The following ANO7 variants were observed in gnomAD, a reference collection of about 807,000 sequenced individuals.
ANO7 encodes the protein anoctamin-7.
A neutral mutation model predicts 115.8 loss-of-function variants in ANO7; 114 were observed. That is an observed-to-expected ratio of 0.98 (90% CI 0.85 to 1.15). The LOEUF (loss-of-function observed/expected upper bound fraction) is 1.15. ANO7 is among the 50% of genes most tolerant of loss of function. The pLI is 0.00. For missense variants in ANO7, 1,302 were observed against 1,201.2 expected (o/e 1.08, Z -1.24); for synonymous variants, 550 against 498.2 (o/e 1.10, Z -1.38).
In ANO7 at chr2:241,188,769, G is replaced by T. The variant is rs764905746; in HGVS notation, c.-8+3G>T. The T allele has an allele frequency of 1.2e-6, 2 of 1,612,810 alleles. No individual in the cohort carries two copies. Among genetic ancestry groups the T allele is most frequent in the East Asian group, 2.2e-5 (1 of 44,848 alleles). On this transcript the variant is annotated splice_donor_region_variant and intron_variant, in intron 1 of 24. Coordinates refer to ENST00000674324, the MANE Select transcript of ANO7 (RefSeq NM_001370694.2). This position sits in a 1 kb window ranked among gnomAD's most constrained non-coding sequence, Gnocchi z 4.3. ...TCTTCCGGAAGCCACTGTGCCAGGT[G>T]GGGACCCAGCCTAGACGTGTGGGCC...
chr2:241,230,002 C>T, downstream of ANO7: 3 of 1,557,726 alleles, frequency 1.9e-6, no homozygotes, highest in East Asian at 2.3e-5. This position sits in a 1 kb window ranked among gnomAD's most constrained non-coding sequence, Gnocchi z 5.0. Context: ...GTCTGCCCAG[C>T]ACCCCCAGCA....
In ANO7 at chr2:241,212,078, G is replaced by T. The variant is rs568818626; in HGVS notation, c.1562-16G>T. ...TGACTCCCCCAGGGACTGAGCCCAG[G>T]CTCTCCATGCCACAGAAATGCACCG... On this transcript the variant is annotated splice_polypyrimidine_tract_variant and intron_variant, in intron 15 of 24. Coordinates refer to ENST00000674324, the MANE Select transcript of ANO7 (RefSeq NM_001370694.2). 1 of 1,611,940 alleles carries T rather than the reference G, an allele frequency of 6.2e-7. No individual in the cohort carries two copies. The highest frequency in any genetic ancestry group is 2.2e-5 in the East Asian group (1 of 44,874).
chr2:241,234,058 G>T, the ANO7 span: 1 of 1,387,014 alleles, frequency 7.2e-7, no homozygotes, highest in Non-Finnish European at 1.0e-6. Flanking sequence ...CACTGGAGAT[G>T]CTGCAGTGTT....
chr2:241,233,762 T>A, the ANO7 span: 2 of 1,605,224 alleles, frequency 1.2e-6, no homozygotes, highest in African/African-American at 2.7e-5. The surrounding 1 kb of genome is among the most constrained non-coding windows in gnomAD (Gnocchi z 4.3). Flanking sequence ...TGCTCCCAAG[T>A]CACAGGAAAG....
intron 21 of ANO7, 22 bp from the exon 22 acceptor site, chr2:241,223,164 C>G (rs1456945082): frequency 6.2e-7 from 1 of 1,611,204 alleles, no homozygotes; most frequent in South Asian, 1.1e-5. Flanking sequence ...GCTGCGCGCA[C>G]TGAGTCCTGT....
At position 241,224,272 on chromosome 2, in the gene ANO7, T is replaced by G. The variant is rs545600028; in HGVS notation, c.*119T>G. ...GTGAACCGCTGGCTGCTGTTGTGCCTCATCTCTGGGCACATTGCCTGCTTC... is the reference window on the plus strand; with the variant it reads ...GTGAACCGCTGGCTGCTGTTGTGCCGCATCTCTGGGCACATTGCCTGCTTC... On this transcript the variant is annotated 3_prime_UTR_variant, in exon 25 of 25. Coordinates refer to ENST00000674324, the MANE Select transcript of ANO7 (RefSeq NM_001370694.2). The G allele has an allele frequency of 1.3e-4, 153 of 1,150,194 alleles. No individual in the cohort carries two copies. The highest frequency in any genetic ancestry group is 1.9e-4 in the Admixed American group (9 of 47,188). 71.2% of individuals were successfully genotyped at this position (1,150,194 alleles called of 1,614,324 possible).
the ANO7 span, chr2:241,235,372 G>T: frequency 6.6e-7 from 1 of 1,513,198 alleles, no homozygotes; most frequent in Non-Finnish European, 9.2e-7. Context: ...AGGGAAGTCA[G>T]TGCCCAGTCC....
the ANO7 span, among the ~76,000 whole-genome samples, chr2:241,237,186 G>A: frequency 0.026 from 3,905 of 152,286 alleles, 407 homozygotes; most frequent in Admixed American, 0.18. Flanking sequence ...CAGGGAAGGC[G>A]GCCAGCACGC....
rs758652317 is a variant in ANO7, at chr2:241,210,385, G to A, written c.1450G>A (p.Ala484Thr). Residue 484 changes from alanine (A) to threonine (T), a missense_variant, in exon 14 of 25, where the codon GCA becomes ACA. By Grantham distance (58) the Ala-to-Thr change is moderately conservative. Coordinates refer to ENST00000674324, the MANE Select transcript of ANO7 (RefSeq NM_001370694.2). ...VVSRSGNTLL[A>T]AWASRIASLT... is the part of the protein sequence containing the mutation. Reference sequence around the variant, plus strand: ...GTCCAGGTCGGGCAACACCCTTCTCGCAGCCTGGGTGAGCCTCTGCTGCCT... The same window carrying A: ...GTCCAGGTCGGGCAACACCCTTCTCACAGCCTGGGTGAGCCTCTGCTGCCT... 2.4e-5 allele frequency: 38 copies of A among 1,613,860 alleles called. No homozygotes were observed. Among genetic ancestry groups the A allele is most frequent in the Non-Finnish European group, 3.0e-5 (35 of 1,180,000 alleles).
the ANO7 span, chr2:241,236,589 G>C: frequency 6.2e-7 from 1 of 1,611,974 alleles, no homozygotes; most frequent in South Asian, 1.1e-5. Context: ...TTGGCGGGGG[G>C]TGGAGGGGGG....
At chr2:241,212,762 G>C in intron 17 of ANO7, 136 bp downstream of exon 17, 1 of 966,210 alleles carries the variant, frequency 1.0e-6, no homozygotes, top group Non-Finnish European at 1.5e-6. Flanking sequence ...GGCCAGCTGT[G>C]CAGCTGACCA....
chr2:241,192,061 GCA>G (rs1300200090), intron 3 of ANO7, among the ~76,000 whole-genome samples: 1 of 152,236 alleles, frequency 6.6e-6, no homozygotes, highest in Non-Finnish European at 1.5e-5. Context: ...CCTGGGCCAG[GCA>G]CAGTGGCTCA....
intron 21 of ANO7, among the ~76,000 whole-genome samples, chr2:241,219,338 T>C (rs553692726): frequency 2.0e-5 from 3 of 152,362 alleles, no homozygotes; most frequent in South Asian, 4.1e-4. Flanking sequence ...GCTCTATGTA[T>C]TTTGAGCTTT....
At chr2:241,223,625 C>A (rs772780398) in intron 22 of ANO7, 37 bp from the exon 23 acceptor site, 1 of 1,603,398 alleles carries the variant, frequency 6.2e-7, no homozygotes, top group Admixed American at 1.7e-5. Flanking sequence ...CCACTCTGGG[C>A]GTTTGGGTGG....
intron 19 of ANO7, 39 bp downstream of exon 19, chr2:241,216,277 G>A (rs752467023): frequency 7.2e-6 from 11 of 1,524,546 alleles, no homozygotes; most frequent in East Asian, 4.9e-5. Context: ...GGCTGGCGCC[G>A]TGGGCAGGGA....
chr2:241,230,038 C>T (rs895914894), downstream of ANO7: 1 of 1,578,462 alleles, frequency 6.3e-7, no homozygotes, highest in Non-Finnish European at 8.6e-7. This position sits in a 1 kb window ranked among gnomAD's most constrained non-coding sequence, Gnocchi z 5.0. Flanking sequence ...CACCCCTGCA[C>T]CTCGCCTGCC....
In ANO7 at chr2:241,225,387, T is replaced by G. The variant is rs2069134619; in HGVS notation, c.*1234T>G. ...AAAAATGCAAAAATTATTCTGGGTGTGGTGGCGGGCATCTGTAATCCCAGC... is the reference window on the plus strand; with the variant it reads ...AAAAATGCAAAAATTATTCTGGGTGGGGTGGCGGGCATCTGTAATCCCAGC... On this transcript the variant is annotated 3_prime_UTR_variant, in exon 25 of 25. Coordinates refer to ENST00000674324, the MANE Select transcript of ANO7 (RefSeq NM_001370694.2). 1 of 152,028 alleles carries G rather than the reference T, an allele frequency of 6.6e-6. No homozygotes were observed. Among genetic ancestry groups the G allele is most frequent in the Non-Finnish European group, 1.5e-5 (1 of 68,040 alleles). 9.4% of individuals were successfully genotyped at this position (152,028 alleles called of 1,614,324 possible).
At chr2:241,190,216 C>A in intron 2 of ANO7, 45 bp downstream of exon 2, 3 of 1,506,602 alleles carry the variant, frequency 2.0e-6, no homozygotes, top group Non-Finnish European at 2.7e-6. Flanking sequence ...GAGGTCCTCC[C>A]CTGCCTGGGT....
At chr2:241,238,776 C>T in the ANO7 span, 7 of 1,513,316 alleles carry the variant, frequency 4.6e-6, no homozygotes, top group Non-Finnish European at 6.2e-6. The surrounding 1 kb of genome is among the most constrained non-coding windows in gnomAD (Gnocchi z 4.9). Context: ...ATTCTAATGT[C>T]ACCTGAGCTT....
Sources: gnomAD v4.1 joint callset for allele counts (sites outside exome capture counted in the v4.1 genomes callset) on GRCh38, gnomAD v4.1.1 for gene constraint, Gnocchi (gnomAD v3.1) non-coding constraint, MANE v1.5 for transcripts, NCBI Gene and HGNC (gene_info 2026-07-23, HGNC 2026-07-21) for gene names.